Variants in TAS2R1 observed in about 807,000 individuals in gnomAD.
TAS2R1 encodes the protein taste receptor type 2 member 1.
For synonymous variants in TAS2R1, 141 were observed against 134.2 expected (o/e 1.05, Z -0.35); for missense variants, 370 against 353.4 (o/e 1.05, Z -0.38).
At chr5:9,720,309 G>T in the TAS2R1 span, among the ~76,000 whole-genome samples, 1 of 152,336 alleles carries the variant, frequency 6.6e-6, no homozygotes, top group African/African-American at 2.4e-5. Context: ...GCTTTCCTGG[G>T]CATGGCTTTA....
At chr5:9,882,913 G>A in the TAS2R1 span, among the ~76,000 whole-genome samples, 1 of 152,058 alleles carries the variant, frequency 6.6e-6, no homozygotes, top group South Asian at 2.1e-4. Context: ...CTATTAAAAA[G>A]ACACATGCAT....
chr5:9,762,592 A>G, the TAS2R1 span, among the ~76,000 whole-genome samples: 6 of 152,236 alleles, frequency 3.9e-5, no homozygotes, highest in East Asian at 9.6e-4. Flanking sequence ...CACTTTTCCA[A>G]AATGGGTTTC....
chr5:9,825,243 GGTTTAACAGACTCACA>G, the TAS2R1 span, among the ~76,000 whole-genome samples: 1 of 152,174 alleles, frequency 6.6e-6, no homozygotes, highest in Non-Finnish European at 1.5e-5. Flanking sequence ...AAAGGAAAGA[GGTTTAACAGACTCACA>G]GTTCCACATG....
At chr5:9,720,175 T>C in the TAS2R1 span, among the ~76,000 whole-genome samples, 2 of 152,192 alleles carry the variant, frequency 1.3e-5, no homozygotes, top group Non-Finnish European at 2.9e-5. Flanking sequence ...TTATTAAAAA[T>C]TGATTAGTAT....
At chr5:9,827,571 T>TACACACACACACACACAC in the TAS2R1 span, among the ~76,000 whole-genome samples, 302 of 149,332 alleles carry the variant, frequency 2.0e-3, 3 homozygotes, top group African/African-American at 6.5e-3. Flanking sequence ...TCCATCCCTA[T>TACACACACACACACACAC]ACACACACAC....
At chr5:9,791,692 C>G in the TAS2R1 span, among the ~76,000 whole-genome samples, 1 of 151,962 alleles carries the variant, frequency 6.6e-6, no homozygotes, top group African/African-American at 2.4e-5. Context: ...AAGCAAGACT[C>G]CATCTAAAAA....
chr5:9,838,826 G>C, the TAS2R1 span, among the ~76,000 whole-genome samples: 1 of 152,218 alleles, frequency 6.6e-6, no homozygotes, highest in Non-Finnish European at 1.5e-5. Context: ...CGCTGGAAAT[G>C]ATTCACATTT....
intron 1 of TAS2R1, among the ~76,000 whole-genome samples, chr5:9,670,761 G>A (rs1490522779): frequency 6.6e-6 from 1 of 152,010 alleles, no homozygotes; most frequent in Non-Finnish European, 1.5e-5. Flanking sequence ...AAAAAATTAA[G>A]AAGGAAGGAC....
chr5:9,749,952 G>T, the TAS2R1 span, among the ~76,000 whole-genome samples: 1 of 152,152 alleles, frequency 6.6e-6, no homozygotes, highest in Non-Finnish European at 1.5e-5. Flanking sequence ...TTCCATGCTG[G>T]ACATACCCCT....
chr5:9,805,217 A>C, the TAS2R1 span, among the ~76,000 whole-genome samples: 1 of 152,042 alleles, frequency 6.6e-6, no homozygotes, highest in Non-Finnish European at 1.5e-5. Context: ...CTCTGAACAG[A>C]CTAATAACAA....
At chr5:9,817,838 C>T in the TAS2R1 span, among the ~76,000 whole-genome samples, 2 of 148,194 alleles carry the variant, frequency 1.3e-5, no homozygotes, top group Middle Eastern at 3.4e-3. Flanking sequence ...GAAGGGGAAG[C>T]GAGCCTTGTC....
At chr5:9,873,039 A>C in the TAS2R1 span, among the ~76,000 whole-genome samples, 30 of 152,334 alleles carry the variant, frequency 2.0e-4, no homozygotes, top group African/African-American at 6.0e-4. Context: ...TCTTCACAAC[A>C]ACCTGGTGAG....
chr5:9,890,784 T>G, the TAS2R1 span, among the ~76,000 whole-genome samples: 1 of 152,220 alleles, frequency 6.6e-6, no homozygotes, highest in Non-Finnish European at 1.5e-5. Flanking sequence ...TTGACCCTGT[T>G]TTTAAGGGCC....
At chr5:9,828,515 G>A in the TAS2R1 span, among the ~76,000 whole-genome samples, 1 of 152,154 alleles carries the variant, frequency 6.6e-6, no homozygotes, top group Non-Finnish European at 1.5e-5. Context: ...CAAGTATATG[G>A]TGTGACATGA....
At chr5:9,861,286 G>A in the TAS2R1 span, among the ~76,000 whole-genome samples, 1 of 151,784 alleles carries the variant, frequency 6.6e-6, no homozygotes, top group Non-Finnish European at 1.5e-5. Context: ...ACCAGCCCAC[G>A]CACGGATCAC....
the TAS2R1 span, among the ~76,000 whole-genome samples, chr5:9,728,855 T>A: frequency 6.6e-6 from 1 of 152,164 alleles, no homozygotes; most frequent in African/African-American, 2.4e-5. Flanking sequence ...TTCCATGGCA[T>A]CTCGATCTCA....
At chr5:9,765,881 C>A in the TAS2R1 span, among the ~76,000 whole-genome samples, 1 of 152,208 alleles carries the variant, frequency 6.6e-6, no homozygotes, top group Non-Finnish European at 1.5e-5. Context: ...TACCCGAAGA[C>A]AAAAGCATCA....
the TAS2R1 span, among the ~76,000 whole-genome samples, chr5:9,731,977 C>G: frequency 6.6e-6 from 1 of 152,184 alleles, no homozygotes. Flanking sequence ...CAAGGCCTTG[C>G]CTTCATGGTG....
chr5:9,664,992 G>C (rs886934740), intron 1 of TAS2R1, among the ~76,000 whole-genome samples: 1 of 152,184 alleles, frequency 6.6e-6, no homozygotes, highest in African/African-American at 2.4e-5. Flanking sequence ...AAACTTAACA[G>C]CTGAAAACAC....
Sources: gnomAD v4.1 joint callset for allele counts (sites outside exome capture counted in the v4.1 genomes callset) on GRCh38, gnomAD v4.1.1 for gene constraint, MANE v1.5 for transcripts, NCBI Gene and HGNC (gene_info 2026-07-23, HGNC 2026-07-21) for gene names.